The following ATP1B2 variants were observed in gnomAD, a reference collection of about 807,000 sequenced individuals.
The protein encoded by ATP1B2 is sodium/potassium-transporting ATPase subunit beta-2.
A neutral mutation model predicts 37.3 loss-of-function variants in ATP1B2; 12 were observed. That is an observed-to-expected ratio of 0.32 (90% CI 0.21 to 0.52). ATP1B2 has a LOEUF of 0.52. Among genes scored for constraint, ATP1B2 ranks in the 20% least tolerant of loss-of-function variants. The pLI is 0.96. For missense variants in ATP1B2, 324 were observed against 391.6 expected, an observed-to-expected ratio of 0.83 and a Z score of 1.46; for synonymous variants, 139 against 140.5, an observed-to-expected ratio of 0.99 and a Z score of 0.07.
chr17:7,654,149 T>G lies in ATP1B2; in HGVS notation c.444T>G (p.Arg148=), dbSNP rs754089848. The change falls in exon 4 of 7, where the codon CGT becomes CGG. Residue 148 remains arginine, a synonymous_variant. Transcript: ENST00000250111. This position sits in a 1 kb window ranked among gnomAD's most constrained non-coding sequence, Gnocchi z 4.9. ...ATGGAGTCCTCAACTACCCCAAACGTGCCTGCCAATTCAACCGGACCCAGC... is the reference window on the plus strand; with the variant it reads ...ATGGAGTCCTCAACTACCCCAAACGGGCCTGCCAATTCAACCGGACCCAGC... ...PDNGVLNYPK[R]ACQFNRTQLG... is the part of the protein sequence containing the mutation. 6.2e-7 allele frequency: 1 copy of G among 1,614,168 alleles called. No homozygotes were observed. The highest frequency in any genetic ancestry group is 8.5e-7 in the Non-Finnish European group (1 of 1,180,026).
At position 7,654,324 on chromosome 17, in the gene ATP1B2, G is replaced by C; in HGVS notation, c.552+67G>C. The C allele has an allele frequency of 6.5e-7, 1 of 1,544,614 alleles. No individual in the cohort carries two copies. The highest frequency in any genetic ancestry group is 8.9e-7 in the Non-Finnish European group (1 of 1,122,150). ...CTGGGGACACCACCTGCAGACAATT[G>C]CATCCTTTCACTGGGGCTAATGGGC... On this transcript the variant is annotated intron_variant, in intron 4 of 6. Coordinates refer to ENST00000250111, the MANE Select transcript of ATP1B2 (RefSeq NM_001678.5). The surrounding 1 kb of genome is among the most constrained non-coding windows in gnomAD (Gnocchi z 4.9).
Position 7,653,922 on chromosome 17 carries a change from A to T in ATP1B2, c.323A>T (p.Gln108Leu), listed in dbSNP as rs531342420. 33 of 1,614,212 alleles carry T rather than the reference A, an allele frequency of 2.0e-5. No individual in the cohort carries two copies. In the South Asian group the frequency reaches 2.4e-4, roughly 12 times the overall value. The change falls in exon 3 of 7, where the codon CAG (glutamine) becomes CTG (leucine). Residue 108 changes from glutamine to leucine, a missense_variant. Transcript: ENST00000250111. ...ACTGAAAGCTGGGACCAGCATGTTC[A>T]GAAGCTCAACAAGTTCTTGGAGCGT... ...SDTESWDQHV[Q>L]KLNKFLEPYN...
At chr17:7,648,720 C>T (rs1329939150), upstream of ATP1B2, among the ~76,000 whole-genome samples, 2 of 152,088 alleles carry the variant, frequency 1.3e-5, no homozygotes, top group African/African-American at 4.8e-5. Context: ...GTCTATTCTG[C>T]AGCAGATTCG....
In ATP1B2 at chr17:7,654,278, C is replaced by T; in HGVS notation, c.552+21C>T. ...ACCGGGTATCTATGACCTTGGTCCC[C>T]AGGGTGAATGGAGGAAGGATCTGGG... On this transcript the variant is annotated intron_variant, in intron 4 of 6. Transcript: ENST00000250111. This position sits in a 1 kb window ranked among gnomAD's most constrained non-coding sequence, Gnocchi z 4.9. The T allele has an allele frequency of 6.2e-7, 1 of 1,612,786 alleles. No individual in the cohort carries two copies.
rs2072637615 is a variant in ATP1B2, at chr17:7,654,654, C to G, written c.579C>G (p.Asn193Lys). ...TCATCAACTTCTATGCAGGAGCAAA[C>G]CAGAGCATGAATGTTACCTGTGCTG... ...NRVINFYAGA[N>K]QSMNVTCAGK... Residue 193 changes from asparagine to lysine, a missense_variant, in exon 5 of 7, where the codon AAC becomes AAG. By Grantham distance (94) the Asn-to-Lys change is moderately conservative (BLOSUM62 0). Coordinates refer to ENST00000250111, the MANE Select transcript of ATP1B2 (RefSeq NM_001678.5). The surrounding 1 kb of genome is among the most constrained non-coding windows in gnomAD (Gnocchi z 4.9). 1.2e-6 allele frequency: 2 copies of G among 1,614,184 alleles called. No homozygotes were observed. The highest frequency in any genetic ancestry group is 2.7e-5 in the African/African-American group (2 of 75,054).
Position 7,657,248 on chromosome 17 carries a change from C to T in ATP1B2, c.*1353C>T, listed in dbSNP as rs2072661090. 6.6e-6 allele frequency: 1 copy of T among 152,200 alleles called. No individual in the cohort carries two copies. The highest frequency in any genetic ancestry group is 6.6e-5 in the Admixed American group (1 of 15,262). The allele number at this position is 152,200 out of a possible 1,614,324, so 9.4% of individuals were successfully genotyped here. A position where few individuals can be genotyped will look rare whatever the true frequency, so the allele number is the denominator to read the frequency against. ...CTGAGCCCAGATCTGCCCCCACCAT[C>T]CTTTCTCTGGCTTCTTTTAGCAAGT... is the stretch of plus-strand genomic sequence containing the variant. On this transcript the variant is annotated 3_prime_UTR_variant, in exon 7 of 7. Coordinates refer to ENST00000250111, the MANE Select transcript of ATP1B2 (RefSeq NM_001678.5).
chr17:7,656,398 A>G lies in ATP1B2; in HGVS notation c.*503A>G, dbSNP rs555984934. On this transcript the variant is annotated 3_prime_UTR_variant, in exon 7 of 7. Coordinates refer to ENST00000250111, the MANE Select transcript of ATP1B2 (RefSeq NM_001678.5). Reference sequence around the variant, plus strand: ...GATCTCTCATACTTTCTCCCTGTCTACACAGTCGCCATCTTGGTGACTTTG... The same window carrying G: ...GATCTCTCATACTTTCTCCCTGTCTGCACAGTCGCCATCTTGGTGACTTTG... The G allele has an allele frequency of 6.2e-5, 10 of 161,784 alleles. No homozygotes were observed. In the East Asian group the frequency reaches 1.6e-3, roughly 26 times the overall value. The allele number at this position is 161,784 out of a possible 1,614,324, so 10.0% of individuals were successfully genotyped here.
At position 7,650,962 on chromosome 17, in the gene ATP1B2, C is replaced by G. The variant is rs879808846; in HGVS notation, c.-557C>G. The G allele has an allele frequency of 1.3e-5, 2 of 157,470 alleles. No homozygotes were observed. The highest frequency in any genetic ancestry group is 2.8e-5 in the Non-Finnish European group (2 of 71,754). The allele number at this position is 157,470 out of a possible 1,614,324, so 9.8% of individuals were successfully genotyped here. A position where few individuals can be genotyped will look rare whatever the true frequency, so the allele number is the denominator to read the frequency against. The stretch of plus-strand genomic sequence containing the variant: ...GAGCGGAGCCTCCGCCTGGGGGGCC[C>G]CCCATCCCTGGCTGTCCCCCAGCTG... On this transcript the variant is annotated 5_prime_UTR_variant, in exon 1 of 7. Coordinates refer to ENST00000250111, the MANE Select transcript of ATP1B2 (RefSeq NM_001678.5).
At position 7,656,524 on chromosome 17, in the gene ATP1B2, C is replaced by T. The variant is rs2072654224; in HGVS notation, c.*629C>T. 6.5e-6 allele frequency: 1 copy of T among 153,572 alleles called. No individual in the cohort carries two copies. The highest frequency in any genetic ancestry group is 2.4e-5 in the African/African-American group (1 of 41,448). The allele number at this position is 153,572 out of a possible 1,614,324, so 9.5% of individuals were successfully genotyped here. A position where few individuals can be genotyped will look rare whatever the true frequency, so the allele number is the denominator to read the frequency against. On this transcript the variant is annotated 3_prime_UTR_variant, in exon 7 of 7. Coordinates refer to ENST00000250111, the MANE Select transcript of ATP1B2 (RefSeq NM_001678.5). ...ATTGAGGACAAGGTGGTTCTGTGGC[C>T]TTTTCCCTCTTTGCTGGCACGTTCT...
intron 2 of ATP1B2, 55 bp from the exon 3 acceptor site, chr17:7,653,784 CTG>C: frequency 1.9e-6 from 3 of 1,538,758 alleles, no homozygotes; most frequent in Non-Finnish European, 2.7e-6. Flanking sequence ...TTTCTTCCCT[CTG>C]TGTGCAGTCC....
rs965787664 is a variant in ATP1B2, at chr17:7,656,102, A to C, written c.*207A>C. ...TCGCCTTTCCCACCAACTTCTCCCA[A>C]CCTCAGATCAGTCAGACAGGGAGCT... On this transcript the variant is annotated 3_prime_UTR_variant, in exon 7 of 7. Transcript: ENST00000250111. The C allele has an allele frequency of 1.6e-6, 1 of 640,554 alleles. No homozygotes were observed. 39.7% of individuals were successfully genotyped at this position (640,554 alleles called of 1,614,324 possible).
intron 2 of ATP1B2, 83 bp from the exon 3 acceptor site, chr17:7,653,758 T>C (rs1275764838): frequency 7.1e-7 from 1 of 1,406,878 alleles, no homozygotes; most frequent in East Asian, 2.3e-5. Flanking sequence ...CCCACTCTGG[T>C]GTTCCCTGTG....
Position 7,654,344 on chromosome 17 carries a change from A to C in ATP1B2, c.552+87A>C. 6.9e-7 allele frequency: 1 copy of C among 1,442,006 alleles called. No individual in the cohort carries two copies. The highest frequency in any genetic ancestry group is 9.7e-7 in the Non-Finnish European group (1 of 1,035,226). 89.3% of individuals were successfully genotyped at this position (1,442,006 alleles called of 1,614,324 possible). A position where few individuals can be genotyped will look rare whatever the true frequency, so the allele number is the denominator to read the frequency against. On this transcript the variant is annotated intron_variant, in intron 4 of 6. Transcript: ENST00000250111. The surrounding 1 kb of genome is among the most constrained non-coding windows in gnomAD (Gnocchi z 4.9). Reference sequence around the variant, plus strand: ...CAATTGCATCCTTTCACTGGGGCTAATGGGCATGAGAAAGACTTGGATGTT... The same window carrying C: ...CAATTGCATCCTTTCACTGGGGCTACTGGGCATGAGAAAGACTTGGATGTT...
chr17:7,656,367 TCCC>T lies in ATP1B2; in HGVS notation c.*473_*475del. On this transcript the variant is annotated 3_prime_UTR_variant, in exon 7 of 7. Transcript: ENST00000250111. ...TTCCATTCCTAAGCTCTGGCCACCG[TCCC>T]TTGATCTCTCATACTTTCTCCCTGT... 5.8e-6 allele frequency: 1 copy of T among 173,256 alleles called. No individual in the cohort carries two copies. 10.7% of individuals were successfully genotyped at this position (173,256 alleles called of 1,614,324 possible). A position where few individuals can be genotyped will look rare whatever the true frequency, so the allele number is the denominator to read the frequency against.
chr17:7,651,805 G>A (rs923338763), intron 1 of ATP1B2, among the ~76,000 whole-genome samples, 175 bp downstream of exon 1: 1 of 152,098 alleles, frequency 6.6e-6, no homozygotes, highest in Non-Finnish European at 1.5e-5. Flanking sequence ...CCGGCTGGCC[G>A]TGCGGAGGCG....
In ATP1B2 at chr17:7,650,949, C is replaced by A. The variant is rs1172807305; in HGVS notation, c.-570C>A. On this transcript the variant is annotated 5_prime_UTR_variant, in exon 1 of 7. Transcript: ENST00000250111. ...TCGCACTGCTGAGGAGCGGAGCCTC[C>A]GCCTGGGGGGCCCCCCATCCCTGGC... 6.6e-6 allele frequency among the ~76,000 whole-genome samples: 1 copy of A among 152,144 alleles called. No individual in the cohort carries two copies. The highest frequency in any genetic ancestry group is 1.5e-5 in the Non-Finnish European group (1 of 68,018).
chr17:7,647,754 A>G (rs1642813), upstream of ATP1B2, among the ~76,000 whole-genome samples: 121,175 of 150,850 alleles, frequency 0.8, 49,226 homozygotes, highest in Middle Eastern at 0.91. Context: ...GGGAGGTGGA[A>G]GTTGCAGCGA....
intron 1 of ATP1B2, among the ~76,000 whole-genome samples, 193 bp from the exon 2 acceptor site, chr17:7,653,181 T>C (rs968919838): frequency 2.6e-5 from 4 of 152,158 alleles, no homozygotes; most frequent in African/African-American, 7.2e-5. Flanking sequence ...CTGGGAGTCA[T>C]GGCTAGAAGC....
intron 1 of ATP1B2, among the ~76,000 whole-genome samples, chr17:7,652,208 T>C (rs1056867222): frequency 1.3e-5 from 2 of 152,070 alleles, no homozygotes; most frequent in African/African-American, 4.8e-5. Flanking sequence ...TTTGCTCCCA[T>C]GTCGGTGACG....
Sources: allele counts gnomAD v4.1 joint callset (sites outside exome capture counted in the v4.1 genomes callset), GRCh38; gene constraint gnomAD v4.1.1; non-coding constraint Gnocchi (gnomAD v3.1); transcripts MANE v1.5; gene names NCBI Gene and HGNC (gene_info 2026-07-23, HGNC 2026-07-21).